Variants in SLC19A1 observed in about 807,000 individuals in gnomAD.
SLC19A1 encodes the protein reduced folate transporter.
Under a neutral mutation model 35.3 loss-of-function variants are expected in SLC19A1, and 37 were observed. The ratio of observed to expected loss-of-function variants is 1.05; its 90% CI spans 0.81 to 1.38. The LOEUF is 1.38. Among genes scored for constraint, SLC19A1 ranks in the 40% most tolerant of loss-of-function variants. The pLI is 0.00. For synonymous variants in SLC19A1, 460 were observed against 398.5 expected, an observed-to-expected ratio of 1.15 and a Z score of -1.84; for missense variants, 831 against 826.9, an observed-to-expected ratio of 1.00 and a Z score of -0.06.
In SLC19A1 at chr21:45,504,510, C is replaced by T. The variant is rs984834874; in HGVS notation, c.498-5898G>A. 2.3e-5 allele frequency: 32 copies of T among 1,414,916 alleles called. No homozygotes were observed. In the African/African-American group the frequency reaches 8.3e-4, roughly 37 times the overall value. 87.6% of individuals were successfully genotyped at this position (1,414,916 alleles called of 1,614,324 possible). A position where few individuals can be genotyped will look rare whatever the true frequency, so the allele number is the denominator to read the frequency against. On this transcript the variant is annotated intron_variant, in intron 3 of 4. Coordinates refer to the SLC19A1 transcript ENST00000417954. ...TTCGGCTCCAGCCTGCCCGGCCCCC[C>T]CGGCCCCCCAGGCCCCCCAGGCCCA...
chr21:45,508,469 AGGTGGGTGAGTGGATG>A (rs902321296), downstream of SLC19A1, among the ~76,000 whole-genome samples: 18 of 142,546 alleles, frequency 1.3e-4, no homozygotes, highest in Non-Finnish European at 2.3e-4. Context: ...GTGGATGGAC[AGGTGGGTGAGTGGATG>A]GGTGGGTGGA....
intron 1 of SLC19A1, among the ~76,000 whole-genome samples, chr21:45,539,700 A>G (rs956730011): frequency 6.6e-6 from 1 of 152,206 alleles, no homozygotes; most frequent in Admixed American, 6.5e-5. Context: ...TCCCCAGGCC[A>G]CTTAGGCAAA....
intron 4 of SLC19A1, among the ~76,000 whole-genome samples, chr21:45,529,923 G>C (rs1249667824): frequency 6.7e-6 from 1 of 150,126 alleles, no homozygotes; most frequent in Admixed American, 6.6e-5. Context: ...CCCTGTGAGT[G>C]TGTGTGTGTC....
At chr21:45,507,626 G>A (rs1211861273), downstream of SLC19A1, 6 of 1,607,748 alleles carry the variant, frequency 3.7e-6, no homozygotes, top group Non-Finnish European at 5.1e-6. Context: ...AGACTGGTGG[G>A]TGGTCAGGAC....
intron 1 of SLC19A1, among the ~76,000 whole-genome samples, chr21:45,554,198 CACGCCCCATCCCA>C (rs2078513011): frequency 2.0e-3 from 1 of 490 alleles, no homozygotes; most frequent in African/African-American, 3.5e-3. Flanking sequence ...CCCAGTCCCC[CACGCCCCATCCCA>C]GTCCCCCGCG....
Position 45,514,769 on chromosome 21 carries a change from G to A in SLC19A1, c.*889C>T. On this transcript the variant is annotated 3_prime_UTR_variant, in exon 6 of 6. Transcript: ENST00000311124. ...AAGAGTATTCACATCACATCAGATG[G>A]TCCCGCACCTGTGGGCAAGGCACTA... 1.9e-6 allele frequency: 1 copy of A among 514,786 alleles called. No individual in the cohort carries two copies. Among genetic ancestry groups the A allele is most frequent in the Non-Finnish European group, 3.4e-6 (1 of 296,238 alleles). The allele number at this position is 514,786 out of a possible 1,614,324, so 31.9% of individuals were successfully genotyped here.
chr21:45,531,834 G>A lies in SLC19A1; in HGVS notation c.504C>T (p.Ser168=), dbSNP rs763544507. The change falls in exon 3 of 6, where the codon TCC becomes TCT. Residue 168 remains serine (S), a synonymous_variant. Transcript: ENST00000311124. ...AAVLLGVFTS[S]VLGQLLVTVG... Reference sequence around the variant, plus strand: ...CAGTGACCAGCAGCTGGCCCAGCACGGAGCTGGTGAACACGCCCAGCAGCA... The same window carrying A: ...CAGTGACCAGCAGCTGGCCCAGCACAGAGCTGGTGAACACGCCCAGCAGCA... 3.8e-6 allele frequency: 6 copies of A among 1,587,526 alleles called. No homozygotes were observed. Among genetic ancestry groups the A allele is most frequent in the Non-Finnish European group, 5.1e-6 (6 of 1,167,564 alleles).
chr21:45,538,992 G>A (rs2078221663), intron 1 of SLC19A1, among the ~76,000 whole-genome samples: 1 of 152,202 alleles, frequency 6.6e-6, no homozygotes, highest in African/African-American at 2.4e-5. Flanking sequence ...GGCTCCTCCG[G>A]TGCGGGCAAG....
rs990627817 is a variant in SLC19A1 at position 45,541,363 on chromosome 21, A to G, written c.-50+1005T>C. Among the ~76,000 whole-genome samples, 3 of 152,256 alleles carry G rather than the reference A, an allele frequency of 2.0e-5. No homozygotes were observed. The East Asian group carries it at 5.8e-4, about 29-fold the overall frequency. ...GAGGCACCTCGGCTCTGCTGATTGA[A>G]TCTGGGCTGTGCGGGGATCCTCGGG... On this transcript the variant is annotated intron_variant, in intron 1 of 5. Coordinates refer to ENST00000311124, the MANE Select transcript of SLC19A1 (RefSeq NM_194255.4).
upstream of SLC19A1, among the ~76,000 whole-genome samples, chr21:45,548,521 G>A (rs144573746): frequency 5.7e-3 from 869 of 152,252 alleles, 14 homozygotes; most frequent in African/African-American, 0.02. Context: ...AGGCAGGTTG[G>A]TCACTTGAAG....
At chr21:45,555,861 TCCCTGCGGG>T in intron 1 of SLC19A1, among the ~76,000 whole-genome samples, 1 of 152,134 alleles carries the variant, frequency 6.6e-6, no homozygotes, top group Non-Finnish European at 1.5e-5. Flanking sequence ...ATCCACGTGG[TCCCTGCGGG>T]CCCAGTGAGT....
chr21:45,523,348 G>GT (rs987506722), intron 5 of SLC19A1, among the ~76,000 whole-genome samples: 8 of 152,054 alleles, frequency 5.3e-5, no homozygotes, highest in Admixed American at 3.3e-4. Context: ...AAGTCCATGT[G>GT]TTTTTTTTCT....
intron 1 of SLC19A1, among the ~76,000 whole-genome samples, chr21:45,556,032 C>T (rs1242170065): frequency 6.6e-6 from 1 of 152,166 alleles, no homozygotes; most frequent in Non-Finnish European, 1.5e-5. Context: ...CTCTGAAGGT[C>T]GGAGGTCACA....
downstream of SLC19A1, chr21:45,510,009 C>T: frequency 2.0e-6 from 3 of 1,525,712 alleles, no homozygotes; most frequent in Non-Finnish European, 2.6e-6. Context: ...CGCCCGGGGC[C>T]TGGGTGCAGG....
At chr21:45,525,781 T>G in intron 5 of SLC19A1, 36 bp downstream of exon 5, 1 of 1,607,690 alleles carries the variant, frequency 6.2e-7, no homozygotes, top group South Asian at 1.1e-5. Flanking sequence ...ACAAGTAGCT[T>G]CCATCCCCGA....
At chr21:45,511,174 G>C, downstream of SLC19A1, 2 of 1,600,944 alleles carry the variant, frequency 1.2e-6, 1 homozygote, top group South Asian at 2.3e-5. Context: ...GCTGAAGCCC[G>C]GGGCACGCAT....
At position 45,505,120 on chromosome 21, in the gene SLC19A1, G is replaced by A. The variant is rs200884317; in HGVS notation, c.498-6508C>T. ...ACGAGGTAACCAGGAAGCGTCTCTT[G>A]TCGCCGTCCGTAGGGTCCCAAGGGA... On this transcript the variant is annotated intron_variant, in intron 3 of 4. Coordinates refer to the SLC19A1 transcript ENST00000417954. 1.3e-3 allele frequency: 2,104 copies of A among 1,606,620 alleles called. 6 individuals carry two copies. The highest frequency in any genetic ancestry group is 1.1e-3 in the Non-Finnish European group (1,324 of 1,178,336).
chr21:45,512,433 G>A (rs1165171269), downstream of SLC19A1: 2 of 1,594,140 alleles, frequency 1.3e-6, no homozygotes, highest in Non-Finnish European at 1.7e-6. Flanking sequence ...GAGAGGACCG[G>A]CGGCTCGGAG....
At chr21:45,509,245 C>T, downstream of SLC19A1, 4 of 1,433,638 alleles carry the variant, frequency 2.8e-6, no homozygotes, top group Non-Finnish European at 2.8e-6. Context: ...CAGCTCCCTG[C>T]TTGCCAGTTC....
Sources: allele counts gnomAD v4.1 joint callset (sites outside exome capture counted in the v4.1 genomes callset), GRCh38; gene constraint gnomAD v4.1.1; transcripts MANE v1.5; gene names NCBI Gene and HGNC (gene_info 2026-07-23, HGNC 2026-07-21).